Variants in DHX15 observed in about 807,000 individuals in gnomAD.
The protein encoded by DHX15 is ATP-dependent RNA helicase DHX15.
In DHX15, 11 loss-of-function variants were observed where a neutral mutation model predicts 94.4. The ratio of observed to expected loss-of-function variants is 0.12; its 90% CI spans 0.07 to 0.19. DHX15 has a LOEUF of 0.19. DHX15 is among the 10% of genes least tolerant of loss of function. The pLI, the probability that DHX15 is intolerant of heterozygous loss-of-function variation, is 1.00. For missense variants in DHX15, 304 were observed against 988.5 expected (o/e 0.31, Z 9.29); for synonymous variants, 338 against 329.9 (o/e 1.02, Z -0.27).
intron 3 of DHX15, among the ~76,000 whole-genome samples, chr4:24,570,223 C>T (rs1171104213): frequency 6.6e-6 from 1 of 152,184 alleles, no homozygotes; most frequent in Non-Finnish European, 1.5e-5. Flanking sequence ...AACAGATGCA[C>T]GGTAATAGCT....
chr4:24,584,361 C>T lies in DHX15; in HGVS notation c.33G>A (p.Glu11=), dbSNP rs1722558162. The T allele has an allele frequency of 2.5e-6, 4 of 1,613,076 alleles. No homozygotes were observed. Among genetic ancestry groups the T allele is most frequent in the Non-Finnish European group, 3.4e-6 (4 of 1,179,614 alleles). ...CACGCTTCTTGCCAGAGGGGTAATC[C>T]TCCCCTAGGTCCAACCGGTGCCGCT... MSKRHRLDLG[E]DYPSGKKRAG... The change falls in exon 1 of 14, where the codon GAG becomes GAA. Residue 11 remains glutamate, a synonymous_variant. Transcript: ENST00000336812.
intron 13 of DHX15, among the ~76,000 whole-genome samples, chr4:24,528,879 T>C (rs764072388): frequency 7.3e-5 from 11 of 150,920 alleles, no homozygotes; most frequent in Non-Finnish European, 1.5e-4. Context: ...CTAATTGTAA[T>C]GGGACAAAAA....
chr4:24,564,937 A>C (rs1022811563), intron 3 of DHX15, among the ~76,000 whole-genome samples: 14 of 152,356 alleles, frequency 9.2e-5, no homozygotes, highest in African/African-American at 3.4e-4. Context: ...CCACAATCAA[A>C]CCATACAGCT....
chr4:24,572,665 A>G (rs927684085), intron 2 of DHX15, among the ~76,000 whole-genome samples: 1 of 152,190 alleles, frequency 6.6e-6, no homozygotes, highest in African/African-American at 2.4e-5. Context: ...ACACAAAATA[A>G]CGCTTTCTAT....
At chr4:24,567,945 T>C (rs372913324) in intron 3 of DHX15, among the ~76,000 whole-genome samples, 1 of 152,240 alleles carries the variant, frequency 6.6e-6, no homozygotes, top group Non-Finnish European at 1.5e-5. Context: ...CATTTAAGGC[T>C]AGACTAACAG....
At chr4:24,574,713 A>G (rs879698237) in intron 2 of DHX15, among the ~76,000 whole-genome samples, 2 of 152,220 alleles carry the variant, frequency 1.3e-5, no homozygotes, top group Non-Finnish European at 2.9e-5. Flanking sequence ...GCTCATCTGT[A>G]AAGTGGTGAT....
chr4:24,549,108 T>A (rs1721529593), intron 5 of DHX15, 86 bp from the exon 6 acceptor site: 12 of 1,128,644 alleles, frequency 1.1e-5, no homozygotes, highest in Non-Finnish European at 1.4e-5. Context: ...GTCTGTTTTA[T>A]GTATGCCATC....
At chr4:24,577,090 A>G (rs1722285739) in intron 1 of DHX15, among the ~76,000 whole-genome samples, 2 of 152,234 alleles carry the variant, frequency 1.3e-5, no homozygotes, top group Admixed American at 1.3e-4. Context: ...GTGCACTAAA[A>G]GTATATTCAG....
chr4:24,556,219 T>C lies in DHX15; in HGVS notation c.861+32A>G, dbSNP rs577251747. 15 of 1,601,872 alleles carry C rather than the reference T, an allele frequency of 9.4e-6. No homozygotes were observed. The East Asian group carries it at 1.8e-4, about 19-fold the overall frequency. On this transcript the variant is annotated intron_variant, in intron 4 of 13. Transcript: ENST00000336812. ...ATTTTTATGCCCACATACACACATATATAGTTAAATGGAGAGAAGAAATTA... is the reference window on the plus strand; with the variant it reads ...ATTTTTATGCCCACATACACACATACATAGTTAAATGGAGAGAAGAAATTA...
chr4:24,528,260 T>G (rs1475444733), intron 13 of DHX15, among the ~76,000 whole-genome samples: 1 of 152,166 alleles, frequency 6.6e-6, no homozygotes, highest in African/African-American at 2.4e-5. Context: ...GATGTTGGAC[T>G]TACCATAAAC....
intron 10 of DHX15, 165 bp downstream of exon 10, chr4:24,539,943 A>G (rs1721275487): frequency 2.1e-6 from 1 of 480,358 alleles, no homozygotes; most frequent in Non-Finnish European, 3.6e-6. Flanking sequence ...TGTAAGCACT[A>G]TGTCATTACG....
At chr4:24,564,706 C>T (rs960989548) in intron 3 of DHX15, among the ~76,000 whole-genome samples, 7 of 152,152 alleles carry the variant, frequency 4.6e-5, no homozygotes, top group Admixed American at 2.6e-4. Flanking sequence ...AACCATATTA[C>T]ACAACATGAG....
chr4:24,583,671 C>G (rs574328149), intron 1 of DHX15, among the ~76,000 whole-genome samples: 1 of 152,276 alleles, frequency 6.6e-6, no homozygotes, highest in East Asian at 1.9e-4. Context: ...CCCAAAACAC[C>G]AGCCTTCCAG....
chr4:24,552,301 T>C (rs1406177838), intron 5 of DHX15, among the ~76,000 whole-genome samples: 1 of 152,214 alleles, frequency 6.6e-6, no homozygotes, highest in East Asian at 1.9e-4. Context: ...AATATGTTAG[T>C]AAATTAATCT....
chr4:24,536,633 T>C (rs982700596), intron 11 of DHX15, among the ~76,000 whole-genome samples: 3 of 152,368 alleles, frequency 2.0e-5, no homozygotes, highest in Middle Eastern at 3.4e-3. Flanking sequence ...TCATTCATAC[T>C]TGTCCATTTT....
rs1273846427 is a variant in DHX15, at chr4:24,532,937, C to T, written c.2027G>A (p.Arg676Gln). 3 of 1,613,982 alleles carry T rather than the reference C, an allele frequency of 1.9e-6. No homozygotes were observed. The highest frequency in any genetic ancestry group is 1.1e-5 in the South Asian group (1 of 91,062). ...GTCCCTGCTTGTAAAGTCAGTACTT[C>T]GACGAGGCAAATTAAATCTGTCCAT... The part of the protein sequence containing the change: ...RIMDRFNLPR[R>Q]STDFTSRDYY... Residue 676 changes from arginine to glutamine, a missense_variant, in exon 12 of 14, where the codon CGA (arginine) becomes CAA (glutamine). Around this residue, in one of 9 missense-constraint regions of DHX15, gnomAD observed 44 missense variants for 236.7 expected, o/e 0.19. Coordinates refer to ENST00000336812, the MANE Select transcript of DHX15 (RefSeq NM_001358.3).
chr4:24,558,194 T>C (rs1395582598), intron 3 of DHX15, among the ~76,000 whole-genome samples: 1 of 152,122 alleles, frequency 6.6e-6, no homozygotes, highest in Non-Finnish European at 1.5e-5. Flanking sequence ...GGTGAAAATA[T>C]GTACAGCTAG....
intron 2 of DHX15, among the ~76,000 whole-genome samples, chr4:24,572,681 TGAC>T (rs1722150821): frequency 6.6e-6 from 1 of 152,190 alleles, no homozygotes; most frequent in Non-Finnish European, 1.5e-5. Flanking sequence ...TCTATAAAAA[TGAC>T]TACTTTTCAA....
At chr4:24,536,570 A>C (rs1376267275) in intron 11 of DHX15, among the ~76,000 whole-genome samples, 2 of 152,212 alleles carry the variant, frequency 1.3e-5, no homozygotes, top group Admixed American at 1.3e-4. Flanking sequence ...GGCTAACAGT[A>C]GAGCTGAACT....
Sources: gnomAD v4.1 joint callset for allele counts (sites outside exome capture counted in the v4.1 genomes callset) on GRCh38, gnomAD v4.1.1 for gene constraint, gnomAD v4.1.1 regional missense constraint, MANE v1.5 for transcripts, NCBI Gene and HGNC (gene_info 2026-07-23, HGNC 2026-07-21) for gene names.